Variants in MAP3K7CL observed in about 807,000 individuals in gnomAD.
The protein encoded by MAP3K7CL is MAP3K7 C-terminal like.
A neutral mutation model predicts 18.6 loss-of-function variants in MAP3K7CL; 16 were observed. The observed-to-expected ratio is 0.86, with a 90% CI of 0.58 to 1.31. MAP3K7CL has a LOEUF of 1.31. Ranked by LOEUF, MAP3K7CL falls within the 50% of genes most tolerant of loss-of-function variation. MAP3K7CL has a pLI of 0.00. For missense variants in MAP3K7CL, 163 were observed against 174.4 expected, an observed-to-expected ratio of 0.93 and a Z score of 0.37; for synonymous variants, 65 against 66.8, an observed-to-expected ratio of 0.97 and a Z score of 0.13.
intron 3 of MAP3K7CL, among the ~76,000 whole-genome samples, chr21:29,152,253 T>C (rs1260703482): frequency 6.6e-6 from 1 of 152,222 alleles, no homozygotes; most frequent in Non-Finnish European, 1.5e-5. Context: ...AGAAATCTAA[T>C]AGAAGATGAC....
intron 4 of MAP3K7CL, among the ~76,000 whole-genome samples, chr21:29,164,722 T>A (rs2087642665): frequency 6.6e-6 from 1 of 152,230 alleles, no homozygotes; most frequent in Non-Finnish European, 1.5e-5. Context: ...ACCAATGATG[T>A]ACGAGAGGTT....
intron 3 of MAP3K7CL, among the ~76,000 whole-genome samples, chr21:29,091,981 A>G (rs2086037277): frequency 1.3e-5 from 2 of 152,232 alleles, no homozygotes; most frequent in Admixed American, 6.5e-5. Context: ...GTTGTCTAAC[A>G]TAATCCAGCT....
chr21:29,153,733 A>G (rs1601250734), intron 3 of MAP3K7CL, among the ~76,000 whole-genome samples: 1 of 152,074 alleles, frequency 6.6e-6, no homozygotes, highest in Admixed American at 6.6e-5. Context: ...ACAGATGTGA[A>G]CCACCACACC....
upstream of MAP3K7CL, among the ~76,000 whole-genome samples, chr21:29,085,418 G>A (rs905124140): frequency 6.6e-6 from 1 of 152,036 alleles, no homozygotes; most frequent in Admixed American, 6.5e-5. Context: ...TATTTAAGTG[G>A]TCATTGGACA....
At chr21:29,174,668 A>G (rs1045475883) in intron 4 of MAP3K7CL, 44 bp from the exon 5 acceptor site, 4 of 1,602,794 alleles carry the variant, frequency 2.5e-6, no homozygotes, top group South Asian at 1.1e-5. Context: ...ATTTGCTTGC[A>G]TTGAATTCTG....
upstream of MAP3K7CL, among the ~76,000 whole-genome samples, chr21:29,129,850 A>G (rs1887530302): frequency 6.6e-6 from 1 of 152,216 alleles, no homozygotes; most frequent in Admixed American, 6.5e-5. Flanking sequence ...GGTTATTCCA[A>G]TAGGTGTATA....
intron 4 of MAP3K7CL, among the ~76,000 whole-genome samples, chr21:29,111,294 A>G (rs919183012): frequency 5.3e-5 from 8 of 151,808 alleles, no homozygotes; most frequent in Non-Finnish European, 1.0e-4. Context: ...CAACAACAAC[A>G]AAAAACGTTC....
chr21:29,169,536 T>C (rs912028324), intron 4 of MAP3K7CL, among the ~76,000 whole-genome samples: 6 of 152,200 alleles, frequency 3.9e-5, no homozygotes, highest in African/African-American at 1.4e-4. Flanking sequence ...AAATTCTCCC[T>C]ATGATAAAGG....
At chr21:29,169,531 C>T (rs1449936855) in intron 4 of MAP3K7CL, among the ~76,000 whole-genome samples, 2 of 152,202 alleles carry the variant, frequency 1.3e-5, no homozygotes, top group East Asian at 3.8e-4. Context: ...AAGTAAAATT[C>T]TCCCTATGAT....
intron 4 of MAP3K7CL, among the ~76,000 whole-genome samples, chr21:29,161,352 C>A (rs2087544850): frequency 6.6e-6 from 1 of 152,002 alleles, no homozygotes; most frequent in African/African-American, 2.4e-5. Flanking sequence ...ATCTTGTTAT[C>A]TTGCCCAGGC....
At chr21:29,171,958 A>G (rs968234884) in intron 4 of MAP3K7CL, among the ~76,000 whole-genome samples, 1 of 151,484 alleles carries the variant, frequency 6.6e-6, no homozygotes, top group Non-Finnish European at 1.5e-5. Flanking sequence ...ATATATACAT[A>G]TGTGTATGTA....
intron 4 of MAP3K7CL, chr21:29,109,297 A>G: frequency 6.7e-7 from 1 of 1,481,542 alleles, no homozygotes; most frequent in Non-Finnish European, 9.0e-7. Context: ...TTTTGTGCCC[A>G]TTTAATTAAT....
chr21:29,169,341 C>T (rs571809172), intron 4 of MAP3K7CL, among the ~76,000 whole-genome samples: 2 of 152,286 alleles, frequency 1.3e-5, no homozygotes, highest in African/African-American at 4.8e-5. Flanking sequence ...CTAGACTGAG[C>T]ATTGGAAATC....
intron 4 of MAP3K7CL, among the ~76,000 whole-genome samples, chr21:29,163,332 G>T (rs1228823417): frequency 6.6e-6 from 1 of 152,026 alleles, no homozygotes; most frequent in Non-Finnish European, 1.5e-5. Flanking sequence ...TAGATGTAGG[G>T]CCAAGGCCAA....
intron 3 of MAP3K7CL, among the ~76,000 whole-genome samples, chr21:29,149,549 G>A (rs2087222329): frequency 6.6e-6 from 1 of 152,146 alleles, no homozygotes; most frequent in Admixed American, 6.5e-5. Context: ...CTTCGATATG[G>A]CTGTCTCTAG....
chr21:29,102,732 A>C (rs547038126), intron 4 of MAP3K7CL: 4 of 152,188 alleles, frequency 2.6e-5, no homozygotes, highest in Non-Finnish European at 5.9e-5. Context: ...TCTAAAGAAT[A>C]AAATATGACG....
At chr21:29,093,970 T>C (rs2086076117) in intron 4 of MAP3K7CL, among the ~76,000 whole-genome samples, 1 of 152,252 alleles carries the variant, frequency 6.6e-6, no homozygotes, top group African/African-American at 2.4e-5. Flanking sequence ...CTTTGTAAAC[T>C]GTAAACTGTT....
intron 1 of MAP3K7CL, among the ~76,000 whole-genome samples, chr21:29,086,863 T>C (rs2085933937): frequency 6.6e-6 from 1 of 152,234 alleles, no homozygotes; most frequent in African/African-American, 2.4e-5. Context: ...CGTCCCCCTT[T>C]CCTGAGTATT....
At chr21:29,088,160 C>G (rs929780210) in intron 1 of MAP3K7CL, among the ~76,000 whole-genome samples, 1 of 152,134 alleles carries the variant, frequency 6.6e-6, no homozygotes, top group East Asian at 1.9e-4. Flanking sequence ...CACTTGTGTT[C>G]TCATAACTCT....
Sources: gnomAD v4.1 joint callset for allele counts (sites outside exome capture counted in the v4.1 genomes callset) on GRCh38, gnomAD v4.1.1 for gene constraint, MANE v1.5 for transcripts, NCBI Gene and HGNC (gene_info 2026-07-23, HGNC 2026-07-21) for gene names.